The following KCNIP3 variants were observed in gnomAD, a reference collection of about 807,000 sequenced individuals.
KCNIP3 encodes the protein calsenilin.
A neutral mutation model predicts 35.0 loss-of-function variants in KCNIP3; 28 were observed. The observed-to-expected ratio is 0.80, with a 90% CI of 0.59 to 1.10. The LOEUF is 1.10. Among genes scored for constraint, KCNIP3 ranks in the 50% least tolerant of loss-of-function variants. KCNIP3 has a pLI of 0.00. For synonymous variants in KCNIP3, 134 were observed against 133.8 expected (o/e 1.00, Z -0.01); for missense variants, 295 against 338.4 (o/e 0.87, Z 1.01).
rs1328061894 is a variant in KCNIP3 at position 95,382,565 on chromosome 2, C to T, written c.660+84C>T. 6 of 968,578 alleles carry T rather than the reference C, an allele frequency of 6.2e-6. No individual in the cohort carries two copies. The highest frequency in any genetic ancestry group is 9.2e-6 in the Non-Finnish European group (6 of 652,722). 60.0% of individuals were successfully genotyped at this position (968,578 alleles called of 1,614,324 possible). ...TTTTGGGGCCACCCCGGGCAAGTGG[C>T]TTGCCCCTCTGAGCCTCCCTACTCC... On this transcript the variant is annotated intron_variant, in intron 7 of 8. Transcript: ENST00000295225. This position sits in a 1 kb window ranked among gnomAD's most constrained non-coding sequence, Gnocchi z 4.5.
chr2:95,360,372 C>T (rs556747897), intron 2 of KCNIP3, among the ~76,000 whole-genome samples: 1 of 152,270 alleles, frequency 6.6e-6, no homozygotes, highest in South Asian at 2.1e-4. Context: ...CTGATGACAG[C>T]CACTTTAATC....
At chr2:95,301,018 G>C (rs1400886362) in intron 1 of KCNIP3, among the ~76,000 whole-genome samples, 1 of 152,252 alleles carries the variant, frequency 6.6e-6, no homozygotes. Flanking sequence ...GGGTAGGCAA[G>C]GGACAAGTCC....
intron 2 of KCNIP3, among the ~76,000 whole-genome samples, chr2:95,353,901 G>A (rs1451641625): frequency 6.6e-6 from 1 of 152,198 alleles, no homozygotes; most frequent in Non-Finnish European, 1.5e-5. Context: ...AGTTGGGGAG[G>A]TGCTACTGGC....
At chr2:95,359,369 G>A (rs1005575043) in intron 2 of KCNIP3, among the ~76,000 whole-genome samples, 70 of 152,308 alleles carry the variant, frequency 4.6e-4, no homozygotes, top group African/African-American at 1.5e-3. Context: ...CAAGAAAAAA[G>A]GGGGTAACTG....
intron 1 of KCNIP3, among the ~76,000 whole-genome samples, chr2:95,304,031 C>T (rs1162811215): frequency 6.6e-6 from 1 of 152,140 alleles, no homozygotes; most frequent in African/African-American, 2.4e-5. Context: ...TGTGTTTACA[C>T]GAGGGCACGT....
chr2:95,344,276 G>GC (rs935235984), intron 2 of KCNIP3, among the ~76,000 whole-genome samples: 2 of 151,530 alleles, frequency 1.3e-5, no homozygotes, highest in African/African-American at 4.9e-5. Flanking sequence ...TGGCGGGGTG[G>GC]GGGGGGGCAC....
chr2:95,322,772 G>C (rs1332733265), intron 2 of KCNIP3, among the ~76,000 whole-genome samples: 1 of 152,216 alleles, frequency 6.6e-6, no homozygotes, highest in Non-Finnish European at 1.5e-5. Context: ...CCTGGGGTGT[G>C]CTTGCGGCTC....
chr2:95,320,046 G>A (rs892319941), intron 2 of KCNIP3, among the ~76,000 whole-genome samples: 5 of 152,162 alleles, frequency 3.3e-5, no homozygotes, highest in South Asian at 2.1e-4. Context: ...CAGCTCTGGC[G>A]ATGCCGGTTC....
chr2:95,308,239 C>G (rs577274293), intron 1 of KCNIP3, among the ~76,000 whole-genome samples: 1 of 152,318 alleles, frequency 6.6e-6, no homozygotes, highest in Admixed American at 6.5e-5. Flanking sequence ...ATGGTCAGTG[C>G]CTCTTCTTGC....
At chr2:95,368,963 C>G (rs1347308425) in intron 2 of KCNIP3, 1 of 152,860 alleles carries the variant, frequency 6.5e-6, no homozygotes, top group African/African-American at 2.4e-5. Context: ...CACTGAAATT[C>G]TGGAGACACC....
chr2:95,325,911 A>C (rs1383655998), intron 2 of KCNIP3, among the ~76,000 whole-genome samples: 1 of 151,710 alleles, frequency 6.6e-6, no homozygotes, highest in African/African-American at 2.4e-5. Flanking sequence ...ACATTCACTC[A>C]TACACATACA....
intron 8 of KCNIP3, 79 bp from the exon 9 acceptor site, chr2:95,383,923 C>A: frequency 8.0e-7 from 1 of 1,254,828 alleles, no homozygotes; most frequent in Non-Finnish European, 1.2e-6. Context: ...GCTCCGAGTC[C>A]CTGGCGGGAA....
intron 1 of KCNIP3, chr2:95,303,426 G>A (rs2104199577): frequency 6.6e-6 from 1 of 152,492 alleles, no homozygotes. Flanking sequence ...GGGAGAGGAA[G>A]GCATGGGGGA....
chr2:95,324,214 T>A (rs1269506988), intron 2 of KCNIP3, among the ~76,000 whole-genome samples: 3 of 152,218 alleles, frequency 2.0e-5, no homozygotes, highest in Non-Finnish European at 4.4e-5. Context: ...TCAGAAGTTT[T>A]TCTTAATAAC....
chr2:95,357,923 C>G (rs980835083), intron 2 of KCNIP3, among the ~76,000 whole-genome samples: 1 of 152,146 alleles, frequency 6.6e-6, no homozygotes, highest in African/African-American at 2.4e-5. Flanking sequence ...AGGCACAGGC[C>G]GTGCGCAGTG....
At chr2:95,323,514 C>T (rs779472187) in intron 2 of KCNIP3, among the ~76,000 whole-genome samples, 4 of 152,138 alleles carry the variant, frequency 2.6e-5, no homozygotes, top group Non-Finnish European at 4.4e-5. Flanking sequence ...CCCCTCCCTG[C>T]GGGTGCAGGA....
At chr2:95,370,641 T>C (rs1000471731) in intron 2 of KCNIP3, among the ~76,000 whole-genome samples, 22 of 152,260 alleles carry the variant, frequency 1.4e-4, no homozygotes, top group African/African-American at 3.9e-4. Context: ...TAATTATGTA[T>C]TCTGGAAATG....
At chr2:95,333,186 C>T (rs1172872219) in intron 2 of KCNIP3, among the ~76,000 whole-genome samples, 9 of 152,230 alleles carry the variant, frequency 5.9e-5, no homozygotes, top group African/African-American at 1.7e-4. Flanking sequence ...GGATAAATCC[C>T]CGGCCACAGA....
chr2:95,375,231 C>T, intron 5 of KCNIP3, 23 bp downstream of exon 5: 1 of 1,607,588 alleles, frequency 6.2e-7, no homozygotes, highest in Non-Finnish European at 8.5e-7. Flanking sequence ...GGATTCCTCC[C>T]ACGTGTCCTG....
Sources: gnomAD v4.1 joint callset for allele counts (sites outside exome capture counted in the v4.1 genomes callset) on GRCh38, gnomAD v4.1.1 for gene constraint, Gnocchi (gnomAD v3.1) non-coding constraint, MANE v1.5 for transcripts, NCBI Gene and HGNC (gene_info 2026-07-23, HGNC 2026-07-21) for gene names.